GJA3: variants seen among roughly 807,000 people sequenced by gnomAD.
GJA3 encodes gap junction protein alpha 3, also known as gap junction alpha-3 protein.
For missense variants in GJA3, 571 were observed against 620.3 expected (o/e 0.92, Z 0.84); for synonymous variants, 297 against 292.6 (o/e 1.02, Z -0.15).
intron 1 of GJA3, among the ~76,000 whole-genome samples, chr13:20,148,561 A>G (rs1269193757): frequency 2.6e-5 from 4 of 152,172 alleles, no homozygotes; most frequent in African/African-American, 9.7e-5. Flanking sequence ...GCCCAGCCTG[A>G]TATCACTTTG....
intron 1 of GJA3, among the ~76,000 whole-genome samples, chr13:20,148,691 A>C (rs1958858513): frequency 6.6e-6 from 1 of 152,260 alleles, no homozygotes; most frequent in East Asian, 1.9e-4. Flanking sequence ...CAGGACTGAC[A>C]GAGGCTGAGG....
At chr13:20,151,890 G>C (rs1232344326) in intron 1 of GJA3, among the ~76,000 whole-genome samples, 1 of 152,080 alleles carries the variant, frequency 6.6e-6, no homozygotes. Context: ...GAAGGAGGCT[G>C]GACCACAATC....
At chr13:20,157,230 A>T (rs955948177) in intron 1 of GJA3, among the ~76,000 whole-genome samples, 2 of 152,210 alleles carry the variant, frequency 1.3e-5, no homozygotes, top group African/African-American at 4.8e-5. Flanking sequence ...TAAGTAATAG[A>T]GAAAATTACA....
chr13:20,145,697 G>C (rs1430418710), intron 1 of GJA3, among the ~76,000 whole-genome samples: 2 of 152,212 alleles, frequency 1.3e-5, no homozygotes, highest in Non-Finnish European at 2.9e-5. Flanking sequence ...TGTACATGCT[G>C]TTTCTCCAAC....
chr13:20,140,120 T>C lies in GJA3; in HGVS notation c.*1861A>G, dbSNP rs370169146. 2 of 152,164 alleles carry C rather than the reference T, an allele frequency of 1.3e-5. No homozygotes were observed. The highest frequency in any genetic ancestry group is 4.8e-5 in the African/African-American group (2 of 41,438). 9.4% of individuals were successfully genotyped at this position (152,164 alleles called of 1,614,324 possible). A position where few individuals can be genotyped will look rare whatever the true frequency, so the allele number is the denominator to read the frequency against. On this transcript the variant is annotated 3_prime_UTR_variant, in exon 2 of 2. Coordinates refer to ENST00000241125, the MANE Select transcript of GJA3 (RefSeq NM_021954.4). ...AGAAGTTATGCATCTAGAATGGCTG[T>C]AGTTATGCACCAGCCTGGAGAGGAG...
intron 1 of GJA3, among the ~76,000 whole-genome samples, chr13:20,145,629 G>C (rs1958837343): frequency 6.6e-6 from 1 of 152,166 alleles, no homozygotes; most frequent in Non-Finnish European, 1.5e-5. Flanking sequence ...TAGCATGCAA[G>C]ACCCATCAGC....
In GJA3 at chr13:20,142,548, C is replaced by A; in HGVS notation, c.741G>T (p.Leu247=). The A allele has an allele frequency of 6.4e-7, 1 of 1,570,372 alleles. No individual in the cohort carries two copies. The highest frequency in any genetic ancestry group is 2.4e-5 in the East Asian group (1 of 42,140). ...GCAGGGGCGGGGGATCGGCTGTCCC[C>A]AGCGGGGCCTCGGAGGCGTCCGGGC... is the stretch of plus-strand genomic sequence containing the variant. The part of the protein sequence containing the change: ...RLGPDASEAP[L]GTADPPPLPP... Residue 247 remains leucine, a synonymous_variant, in exon 2 of 2, where the codon CTG becomes CTT. Coordinates refer to ENST00000241125, the MANE Select transcript of GJA3 (RefSeq NM_021954.4).
intron 1 of GJA3, among the ~76,000 whole-genome samples, chr13:20,159,456 C>CAAA (rs57613247): frequency 2.9e-4 from 15 of 51,750 alleles, no homozygotes; most frequent in African/African-American, 8.6e-4. Context: ...GACTCCATCT[C>CAAA]AAAAAAAAAA....
chr13:20,142,782 AAAG>A lies in GJA3; in HGVS notation c.504_506del (p.Phe169del). 1 of 1,613,752 alleles carries A rather than the reference AAAG, an allele frequency of 6.2e-7. No homozygotes were observed. ...GCGGCTTCAGCTCGAAGCCGTACAG[AAAG>A]TACTGGCCGGCGATGAAGCCCACCT... On this transcript the variant is annotated inframe_deletion, in exon 2 of 2. Coordinates refer to ENST00000241125, the MANE Select transcript of GJA3 (RefSeq NM_021954.4).
At chr13:20,160,106 T>C (rs1313388752) in intron 1 of GJA3, among the ~76,000 whole-genome samples, 1 of 152,126 alleles carries the variant, frequency 6.6e-6, no homozygotes, top group Non-Finnish European at 1.5e-5. Flanking sequence ...GAACTCTACA[T>C]GGTAGGATGA....
At chr13:20,152,666 T>C (rs1958885639) in intron 1 of GJA3, among the ~76,000 whole-genome samples, 1 of 152,198 alleles carries the variant, frequency 6.6e-6, no homozygotes, top group Admixed American at 6.5e-5. Context: ...AGATGAGAGC[T>C]ACCACGCCTA....
intron 1 of GJA3, 71 bp from the exon 2 acceptor site, chr13:20,143,376 G>C: frequency 1.8e-6 from 2 of 1,103,826 alleles, no homozygotes; most frequent in Non-Finnish European, 2.5e-6. Flanking sequence ...CATGGGCGGC[G>C]GCAGCGGCCT....
At chr13:20,153,621 T>C (rs1404639734) in intron 1 of GJA3, among the ~76,000 whole-genome samples, 1 of 151,872 alleles carries the variant, frequency 6.6e-6, no homozygotes, top group Admixed American at 6.6e-5. Context: ...CATCACACAC[T>C]GGGGCCTGTT....
At chr13:20,150,448 C>A in intron 1 of GJA3, among the ~76,000 whole-genome samples, 2 of 151,996 alleles carry the variant, frequency 1.3e-5, no homozygotes, top group East Asian at 3.9e-4. Context: ...GGGAGGACCG[C>A]GTCCTGCACA....
chr13:20,145,150 C>A (rs1230644611), intron 1 of GJA3, among the ~76,000 whole-genome samples: 1 of 152,094 alleles, frequency 6.6e-6, no homozygotes, highest in Admixed American at 6.5e-5. Flanking sequence ...CCACTGTACT[C>A]CAGCCTGGAT....
chr13:20,149,976 G>A (rs1958867145), intron 1 of GJA3, among the ~76,000 whole-genome samples: 1 of 152,230 alleles, frequency 6.6e-6, no homozygotes, highest in African/African-American at 2.4e-5. Flanking sequence ...CGGAGTGAGT[G>A]TCCAAGGCCT....
Position 20,143,753 on chromosome 13 carries a change from T to G in GJA3, c.-17-448A>C, listed in dbSNP as rs146478252. On this transcript the variant is annotated intron_variant, in intron 1 of 1. Coordinates refer to ENST00000241125, the MANE Select transcript of GJA3 (RefSeq NM_021954.4). ...TTCTGCCATGTTAATCTGATACCTC[T>G]TCTACTATTTGCTTTTTCTGTCTTC... Among the ~76,000 whole-genome samples the G allele has an allele frequency of 8.2e-4, 125 of 152,366 alleles. 1 individual carries two copies. The highest frequency in any genetic ancestry group is 2.9e-3 in the African/African-American group (122 of 41,580).
rs530528182 is a variant in GJA3 at position 20,144,324 on chromosome 13, C to G, written c.-17-1019G>C. Among the ~76,000 whole-genome samples the G allele has an allele frequency of 2.6e-5, 4 of 152,296 alleles. No individual in the cohort carries two copies. The South Asian group carries it at 8.3e-4, about 32-fold the overall frequency. On this transcript the variant is annotated intron_variant, in intron 1 of 1. Coordinates refer to ENST00000241125, the MANE Select transcript of GJA3 (RefSeq NM_021954.4). ...AGGACCAGGGGCCAGCTCAGCAGAG[C>G]CGGGCCTTCAGTGGCCGTCACTCAA...
rs909218608 is a variant in GJA3, at chr13:20,140,198, G to A, written c.*1783C>T. 6.6e-6 allele frequency: 1 copy of A among 152,114 alleles called. No individual in the cohort carries two copies. The highest frequency in any genetic ancestry group is 2.4e-5 in the African/African-American group (1 of 41,420). The allele number at this position is 152,114 out of a possible 1,614,324, so 9.4% of individuals were successfully genotyped here. ...GGGCTAATTTCTCTCTTGTCAATCT[G>A]GTTGAGAAAGTCTCTGAGGAGACGT... is the stretch of plus-strand genomic sequence containing the variant. On this transcript the variant is annotated 3_prime_UTR_variant, in exon 2 of 2. Coordinates refer to ENST00000241125, the MANE Select transcript of GJA3 (RefSeq NM_021954.4).
Sources: allele counts gnomAD v4.1 joint callset (sites outside exome capture counted in the v4.1 genomes callset), GRCh38; gene constraint gnomAD v4.1.1; transcripts MANE v1.5; gene names NCBI Gene and HGNC (gene_info 2026-07-23, HGNC 2026-07-21).